NECAB2: variants seen among roughly 807,000 people sequenced by gnomAD.
NECAB2 encodes the protein N-terminal EF-hand calcium-binding protein 2.
NECAB2 carries 68 observed loss-of-function variants against 51.9 expected under a neutral mutation model. The ratio of observed to expected loss-of-function variants is 1.31; its 90% CI spans 1.08 to 1.60. The LOEUF (loss-of-function observed/expected upper bound fraction) is 1.60. Among genes scored for constraint, NECAB2 ranks in the 40% most tolerant of loss-of-function variants. NECAB2 has a pLI of 0.00. For synonymous variants in NECAB2, 329 were observed against 203.5 expected, an observed-to-expected ratio of 1.62 and a Z score of -5.25; for missense variants, 854 against 490.3, an observed-to-expected ratio of 1.74 and a Z score of -7.00.
rs752032738 is a variant in NECAB2, at chr16:83,994,661, A to C, written c.768A>C (p.Ala256=). ...TGGAAGCCCAGATCAGCCGCTTGGC[A>C]GAGCTGATTGGGAGGCTGGAGAGCA... is the stretch of plus-strand genomic sequence containing the variant. ...EGLEAQISRL[A]ELIGRLESKA... Residue 256 remains alanine (A), a synonymous_variant, in exon 8 of 13, where the codon GCA becomes GCC. Transcript: ENST00000305202. 3 of 1,614,022 alleles carry C rather than the reference A, an allele frequency of 1.9e-6. No homozygotes were observed. The highest frequency in any genetic ancestry group is 1.3e-5 in the African/African-American group (1 of 74,922).
intron 1 of NECAB2, among the ~76,000 whole-genome samples, chr16:83,970,362 C>A (rs144965873): frequency 4.9e-4 from 74 of 152,264 alleles, no homozygotes; most frequent in Non-Finnish European, 8.2e-4. Flanking sequence ...CAGATAGGGA[C>A]CCCAGTTTTG....
At chr16:83,974,067 G>A (rs944693765) in intron 2 of NECAB2, among the ~76,000 whole-genome samples, 6 of 149,844 alleles carry the variant, frequency 4.0e-5, no homozygotes, top group African/African-American at 1.5e-4. Context: ...GGGACTCTCA[G>A]TTTCCTTACT....
intron 6 of NECAB2, among the ~76,000 whole-genome samples, chr16:83,990,844 A>C (rs2084614659): frequency 6.6e-6 from 1 of 152,048 alleles, no homozygotes. Context: ...TGAGATAGTA[A>C]ATGCTCAGGA....
chr16:83,967,470 A>T (rs993179040), upstream of NECAB2, among the ~76,000 whole-genome samples: 1 of 5,018 alleles, frequency 2.0e-4, no homozygotes, highest in African/African-American at 8.2e-4. Flanking sequence ...GGATGGATGG[A>T]TGGGAGGGAG....
intron 5 of NECAB2, among the ~76,000 whole-genome samples, chr16:83,989,624 C>T (rs534322177): frequency 1.3e-5 from 2 of 152,198 alleles, no homozygotes; most frequent in Admixed American, 1.3e-4. Context: ...ACCCAAGATC[C>T]CCCAACACAG....
chr16:83,994,297 T>C lies in NECAB2; in HGVS notation c.597-5T>C. 1 of 1,614,124 alleles carries C rather than the reference T, an allele frequency of 6.2e-7. No homozygotes were observed. Among genetic ancestry groups the C allele is most frequent in the East Asian group, 2.2e-5 (1 of 44,888 alleles). On this transcript the variant is annotated splice_region_variant and splice_polypyrimidine_tract_variant and intron_variant, in intron 6 of 12. Transcript: ENST00000305202. ...GGTCTGTGTGTGTTCCCATCCAAAC[T>C]GCAGACAGAACCACATCAAACCCAG...
intron 5 of NECAB2, 110 bp from the exon 6 acceptor site, chr16:83,990,384 T>G: frequency 1.4e-6 from 2 of 1,439,076 alleles, no homozygotes; most frequent in Non-Finnish European, 1.9e-6. Flanking sequence ...CCCTTCCCTT[T>G]GCAAAGCAAA....
chr16:84,000,386 G>C (rs908961410), intron 10 of NECAB2, among the ~76,000 whole-genome samples: 6 of 147,780 alleles, frequency 4.1e-5, no homozygotes, highest in African/African-American at 7.8e-5. Flanking sequence ...TTTTGAATTA[G>C]GCCGAGTGGT....
intron 6 of NECAB2, 53 bp downstream of exon 6, chr16:83,990,683 C>T (rs544222799): frequency 2.3e-5 from 36 of 1,594,434 alleles, no homozygotes; most frequent in Middle Eastern, 1.8e-4. Flanking sequence ...TGCACGCGCA[C>T]GTGCCCACCT....
rs1227751366 is a variant in NECAB2, at chr16:83,968,446, G to C, written c.-203G>C. Among the ~76,000 whole-genome samples, 1 of 146,888 alleles carries C rather than the reference G, an allele frequency of 6.8e-6. No individual in the cohort carries two copies. Among genetic ancestry groups the C allele is most frequent in the South Asian group, 2.1e-4 (1 of 4,806 alleles). ...CCCGCGCCCGGCCGGCGGGGGTGGGGGCGGCGGGGAGCGGGCACGTGGCTC... is the reference window on the plus strand; with the variant it reads ...CCCGCGCCCGGCCGGCGGGGGTGGGCGCGGCGGGGAGCGGGCACGTGGCTC... On this transcript the variant is annotated 5_prime_UTR_variant, in exon 1 of 13. Transcript: ENST00000305202.
chr16:83,969,381 G>A (rs2084324279), intron 1 of NECAB2, among the ~76,000 whole-genome samples: 2 of 151,880 alleles, frequency 1.3e-5, no homozygotes, highest in South Asian at 4.2e-4. Flanking sequence ...TAAAAGTGAA[G>A]CCCCCTCCCC....
rs914565004 is a variant in NECAB2, at chr16:84,002,680, A to C, written c.*334A>C. Reference sequence around the variant, plus strand: ...ACCACACCCTGCCCTCTTCGGTGACATTCTTCTACCTAGTAGGAGTCATGC... The same window carrying C: ...ACCACACCCTGCCCTCTTCGGTGACCTTCTTCTACCTAGTAGGAGTCATGC... On this transcript the variant is annotated 3_prime_UTR_variant, in exon 13 of 13. Transcript: ENST00000305202. 5.0e-6 allele frequency: 2 copies of C among 398,124 alleles called. No individual in the cohort carries two copies. Among genetic ancestry groups the C allele is most frequent in the Non-Finnish European group, 4.7e-6 (1 of 214,396 alleles). 24.7% of individuals were successfully genotyped at this position (398,124 alleles called of 1,614,324 possible).
chr16:83,978,854 C>T (rs1399905386), intron 3 of NECAB2, among the ~76,000 whole-genome samples: 1 of 152,046 alleles, frequency 6.6e-6, no homozygotes, highest in African/African-American at 2.4e-5. Context: ...TGACTTCATC[C>T]TTCTGCCATC....
At chr16:83,996,735 C>G (rs6563988) in intron 8 of NECAB2, among the ~76,000 whole-genome samples, 1 of 151,890 alleles carries the variant, frequency 6.6e-6, no homozygotes, top group South Asian at 2.1e-4. Context: ...CAGTCGTGGG[C>G]GAACAGAGCA....
intron 1 of NECAB2, among the ~76,000 whole-genome samples, chr16:83,969,796 G>C (rs1298939160): frequency 6.6e-6 from 1 of 152,162 alleles, no homozygotes; most frequent in African/African-American, 2.4e-5. Flanking sequence ...GCCTCTGCCT[G>C]TGTGGTGGAT....
chr16:84,000,222 A>G (rs1390842442), intron 10 of NECAB2, among the ~76,000 whole-genome samples: 1 of 152,202 alleles, frequency 6.6e-6, no homozygotes, highest in African/African-American at 2.4e-5. Context: ...GTTTAAATAA[A>G]TGTTCACACT....
chr16:83,978,517 G>A lies in NECAB2; in HGVS notation c.300G>A (p.Glu100=). Residue 100 remains glutamate, a synonymous_variant, in exon 3 of 13, where the codon GAG becomes GAA. Transcript: ENST00000305202. ...ADGVLNEKEL[E]DLFHTIDSDN... ...GCGTCCTTAATGAGAAAGAACTGGA[G>A]GATCTCTTTCACACGATTGACTCTG... is the stretch of plus-strand genomic sequence containing the variant. The A allele has an allele frequency of 6.2e-7, 1 of 1,613,884 alleles. No individual in the cohort carries two copies. Among genetic ancestry groups the A allele is most frequent in the Non-Finnish European group, 8.5e-7 (1 of 1,179,964 alleles).
At chr16:83,976,430 T>A (rs2084411534) in intron 2 of NECAB2, among the ~76,000 whole-genome samples, 1 of 152,166 alleles carries the variant, frequency 6.6e-6, no homozygotes, top group South Asian at 2.1e-4. Flanking sequence ...AGTGAGTCCG[T>A]GGAAGGTACT....
In NECAB2 at chr16:83,978,441, C is replaced by A. The variant is rs1368891671; in HGVS notation, c.227-3C>A. The A allele has an allele frequency of 9.9e-6, 16 of 1,612,610 alleles. No individual in the cohort carries two copies. The highest frequency in any genetic ancestry group is 4.0e-5 in the African/African-American group (3 of 74,852). ...GCTCCTTTCTCTGCTTCCTTCCTTG[C>A]AGATGATGGGAAGCTGTCCTTGGAG... is the stretch of plus-strand genomic sequence containing the variant. On this transcript the variant is annotated splice_polypyrimidine_tract_variant and splice_region_variant and intron_variant, in intron 2 of 12. Coordinates refer to ENST00000305202, the MANE Select transcript of NECAB2 (RefSeq NM_019065.3).
Sources: gnomAD v4.1 joint callset for allele counts (sites outside exome capture counted in the v4.1 genomes callset) on GRCh38, gnomAD v4.1.1 for gene constraint, MANE v1.5 for transcripts, NCBI Gene and HGNC (gene_info 2026-07-23, HGNC 2026-07-21) for gene names.